ATP2B1: variants seen among roughly 807,000 people sequenced by gnomAD.
The protein encoded by ATP2B1 is plasma membrane calcium-transporting ATPase 1.
ATP2B1 carries 14 observed loss-of-function variants against 124.2 expected under a neutral mutation model. That is an observed-to-expected ratio of 0.11 (90% CI 0.07 to 0.18). The LOEUF (loss-of-function observed/expected upper bound fraction) is 0.18, where lower values mean the gene tolerates loss of function less well. ATP2B1 is among the 10% of genes least tolerant of loss of function. The pLI is 1.00. For synonymous variants in ATP2B1, 449 were observed against 492.4 expected (o/e 0.91, Z 1.17); for missense variants, 763 against 1,466.1 (o/e 0.52, Z 7.83).
intron 2 of ATP2B1, 123 bp downstream of exon 2, chr12:89,655,556 T>A: frequency 1.1e-6 from 1 of 929,590 alleles, no homozygotes; most frequent in Non-Finnish European, 1.6e-6. Context: ...AACCCATTTT[T>A]AATGTCACTA....
At chr12:89,707,991 G>T (rs911942591) in intron 1 of ATP2B1, among the ~76,000 whole-genome samples, 1 of 152,214 alleles carries the variant, frequency 6.6e-6, no homozygotes, top group Admixed American at 6.5e-5. Context: ...GAACATCCTG[G>T]GGGGCCAGAC....
chr12:89,653,862 G>A (rs1185539524), intron 2 of ATP2B1, among the ~76,000 whole-genome samples: 2 of 152,066 alleles, frequency 1.3e-5, no homozygotes, highest in Non-Finnish European at 2.9e-5. Context: ...CAAATGGTGG[G>A]GTATTCAGTT....
chr12:89,682,659 T>C (rs1016226456), intron 1 of ATP2B1, among the ~76,000 whole-genome samples: 3 of 152,192 alleles, frequency 2.0e-5, no homozygotes, highest in Non-Finnish European at 4.4e-5. Context: ...TGAACAGTCA[T>C]TCAAAGATGA....
chr12:89,681,037 G>C (rs989147779), intron 1 of ATP2B1, among the ~76,000 whole-genome samples: 2 of 152,146 alleles, frequency 1.3e-5, no homozygotes, highest in Admixed American at 6.5e-5. Context: ...GAATTTATTA[G>C]AGAGTGAAAT....
At chr12:89,693,677 A>G (rs1319384480) in intron 1 of ATP2B1, among the ~76,000 whole-genome samples, 2 of 152,196 alleles carry the variant, frequency 1.3e-5, no homozygotes, top group Admixed American at 1.3e-4. Flanking sequence ...TTGATTCTAA[A>G]CAGTCTTTCT....
At chr12:89,648,917 A>T (rs1884870124) in intron 2 of ATP2B1, among the ~76,000 whole-genome samples, 2 of 152,250 alleles carry the variant, frequency 1.3e-5, no homozygotes, top group South Asian at 4.1e-4. Flanking sequence ...CTTGGGCCAC[A>T]GCTCTGGAGG....
intron 20 of ATP2B1, among the ~76,000 whole-genome samples, chr12:89,597,643 T>C (rs1874896649): frequency 6.6e-6 from 1 of 152,164 alleles, no homozygotes; most frequent in Admixed American, 6.6e-5. Flanking sequence ...ATGGAAAAGA[T>C]AGGTCTCTGT....
chr12:89,692,316 T>C (rs1433489772), intron 1 of ATP2B1, among the ~76,000 whole-genome samples: 2 of 152,204 alleles, frequency 1.3e-5, no homozygotes, highest in Admixed American at 6.5e-5. Context: ...CAGCAGATCC[T>C]TGAATAATAT....
chr12:89,654,080 G>C (rs546954300), intron 2 of ATP2B1, among the ~76,000 whole-genome samples: 1 of 152,278 alleles, frequency 6.6e-6, no homozygotes, highest in African/African-American at 2.4e-5. Context: ...TGAATTAATA[G>C]ATCTACCAGC....
intron 1 of ATP2B1, among the ~76,000 whole-genome samples, chr12:89,666,188 A>G (rs943696316): frequency 1.3e-5 from 2 of 152,194 alleles, no homozygotes; most frequent in Non-Finnish European, 2.9e-5. Context: ...TTTTAAGAGG[A>G]TATCAGACAA....
chr12:89,594,746 CA>C (rs1163001111), intron 20 of ATP2B1: 1 of 151,826 alleles, frequency 6.6e-6, no homozygotes, highest in Non-Finnish European at 1.5e-5. Context: ...CATGTACCTA[CA>C]AAACCAATTT....
chr12:89,619,678 T>C (rs1446240254), intron 11 of ATP2B1, among the ~76,000 whole-genome samples: 1 of 150,032 alleles, frequency 6.7e-6, no homozygotes, highest in Non-Finnish European at 1.5e-5. Context: ...CCCAGGAGGC[T>C]TTTCAAGATT....
intron 1 of ATP2B1, among the ~76,000 whole-genome samples, chr12:89,702,544 A>T (rs1344333613): frequency 6.6e-6 from 1 of 152,214 alleles, no homozygotes; most frequent in Non-Finnish European, 1.5e-5. Flanking sequence ...CATTGTTAAT[A>T]AAAAAGTATT....
intron 3 of ATP2B1, among the ~76,000 whole-genome samples, chr12:89,640,622 G>A (rs1395412216): frequency 1.1e-5 from 1 of 94,642 alleles, no homozygotes; most frequent in Non-Finnish European, 2.3e-5. Context: ...ATAGAGTTTG[G>A]ATGTTTTTCC....
chr12:89,650,171 C>G (rs1019308603), intron 2 of ATP2B1, among the ~76,000 whole-genome samples: 1 of 152,174 alleles, frequency 6.6e-6, no homozygotes, highest in Non-Finnish European at 1.5e-5. Flanking sequence ...CCTATAGCAG[C>G]AGCCAAACTG....
intron 1 of ATP2B1, among the ~76,000 whole-genome samples, chr12:89,707,224 C>G (rs954976434): frequency 6.6e-6 from 1 of 152,092 alleles, no homozygotes; most frequent in Non-Finnish European, 1.5e-5. Flanking sequence ...GTGGTGAAGG[C>G]CCTCCATTCA....
intron 1 of ATP2B1, among the ~76,000 whole-genome samples, chr12:89,698,352 A>T (rs1320156099): frequency 6.6e-6 from 1 of 152,222 alleles, no homozygotes; most frequent in African/African-American, 2.4e-5. Context: ...ATGAAACTCA[A>T]TTATGGTGAG....
At chr12:89,670,952 T>TTA (rs1555205968) in intron 1 of ATP2B1, among the ~76,000 whole-genome samples, 2 of 126,964 alleles carry the variant, frequency 1.6e-5, no homozygotes, top group Non-Finnish European at 3.2e-5. Flanking sequence ...CCTTATACAT[T>TTA]AAAAAAAAAA....
chr12:89,629,495 G>A (rs755995091), intron 6 of ATP2B1, among the ~76,000 whole-genome samples: 4 of 152,088 alleles, frequency 2.6e-5, no homozygotes, highest in Non-Finnish European at 5.9e-5. Context: ...CCTAGAATGG[G>A]GGGCTTGCCA....
Sources: allele counts gnomAD v4.1 joint callset (sites outside exome capture counted in the v4.1 genomes callset), GRCh38; gene constraint gnomAD v4.1.1; transcripts MANE v1.5; gene names NCBI Gene and HGNC (gene_info 2026-07-23, HGNC 2026-07-21).